The following SLC38A8 variants were observed in gnomAD, a reference collection of about 807,000 sequenced individuals.
SLC38A8 encodes amino acid transporter SLC38A8.
SLC38A8 carries 65 observed loss-of-function variants against 46.0 expected under a neutral mutation model. The observed-to-expected ratio is 1.41, with a 90% CI of 1.16 to 1.74. The LOEUF (loss-of-function observed/expected upper bound fraction) is 1.74. SLC38A8 is among the 40% of genes most tolerant of loss of function. The pLI, the probability that SLC38A8 is intolerant of heterozygous loss-of-function variation, is 0.00. For synonymous variants in SLC38A8, 447 were observed against 243.7 expected, an observed-to-expected ratio of 1.83 and a Z score of -7.77; for missense variants, 998 against 567.9, an observed-to-expected ratio of 1.76 and a Z score of -7.70.
intron 6 of SLC38A8, among the ~76,000 whole-genome samples, chr16:84,028,709 T>TC (rs1364369781): frequency 7.7e-6 from 1 of 130,134 alleles, no homozygotes; most frequent in East Asian, 2.7e-4. Context: ...CCCGCCACCT[T>TC]CCCCCCAGCG....
intron 6 of SLC38A8, among the ~76,000 whole-genome samples, chr16:84,024,891 G>C (rs1184385889): frequency 2.6e-5 from 4 of 152,220 alleles, no homozygotes; most frequent in Middle Eastern, 3.4e-3. Context: ...ATGTTGTCCA[G>C]GCTGGTCTCA....
chr16:84,029,311 A>C (rs1225203958), intron 6 of SLC38A8, among the ~76,000 whole-genome samples, 183 bp downstream of exon 6: 1 of 152,140 alleles, frequency 6.6e-6, no homozygotes, highest in East Asian at 1.9e-4. Flanking sequence ...CCAGACACCA[A>C]CCCATCCTCA....
intron 9 of SLC38A8, among the ~76,000 whole-genome samples, chr16:84,015,621 T>C (rs1002810329): frequency 2.6e-5 from 4 of 152,072 alleles, no homozygotes; most frequent in African/African-American, 9.7e-5. Flanking sequence ...AATGGGATCA[T>C]AAACGTTCCT....
At chr16:84,013,580 G>A (rs772054546) in intron 9 of SLC38A8, among the ~76,000 whole-genome samples, 5 of 151,610 alleles carry the variant, frequency 3.3e-5, no homozygotes, top group Non-Finnish European at 5.9e-5. Flanking sequence ...ACAGGTGCGT[G>A]CCACCACACC....
intron 7 of SLC38A8, among the ~76,000 whole-genome samples, chr16:84,019,740 C>A (rs894881655): frequency 6.6e-6 from 1 of 152,244 alleles, no homozygotes; most frequent in East Asian, 1.9e-4. Flanking sequence ...CAAAAGCAAT[C>A]TACTTCCAGG....
chr16:84,009,682 T>C lies in SLC38A8; in HGVS notation c.*102A>G. 9.9e-7 allele frequency: 1 copy of C among 1,010,356 alleles called. No individual in the cohort carries two copies. Among genetic ancestry groups the C allele is most frequent in the Non-Finnish European group, 1.4e-6 (1 of 692,376 alleles). The allele number at this position is 1,010,356 out of a possible 1,614,324, so 62.6% of individuals were successfully genotyped here. ...GCAGAAGGCATCAGTCTCTCCAGCA[T>C]CTTTATGAGGAAAAGAAATGGCATC... On this transcript the variant is annotated 3_prime_UTR_variant, in exon 11 of 11. Coordinates refer to ENST00000299709, the MANE Select transcript of SLC38A8 (RefSeq NM_001080442.3).
intron 7 of SLC38A8, among the ~76,000 whole-genome samples, chr16:84,021,331 C>G (rs887204564): frequency 2.0e-5 from 3 of 152,196 alleles, no homozygotes; most frequent in African/African-American, 7.2e-5. Flanking sequence ...TCCCAAAGTG[C>G]TGCGATGACA....
chr16:84,022,268 T>A (rs2085104199), intron 7 of SLC38A8, among the ~76,000 whole-genome samples: 2 of 152,226 alleles, frequency 1.3e-5, no homozygotes, highest in Non-Finnish European at 1.5e-5. Flanking sequence ...GCCAGGGACC[T>A]GGGACTGTCC....
Position 84,033,354 on chromosome 16 carries a change from C to T in SLC38A8, c.504G>A (p.Arg168=), listed in dbSNP as rs1567701558. 1 of 1,613,980 alleles carries T rather than the reference C, an allele frequency of 6.2e-7. No homozygotes were observed. Among genetic ancestry groups the T allele is most frequent in the Non-Finnish European group, 8.5e-7 (1 of 1,180,026 alleles). ...TTGTGTATTTCTGGAAGGCGATCTC[C>T]CGCGGGGCAGACAGGGGCAGGATGA... ...VLVILPLSAP[R]EIAFQKYTSI... Residue 168 remains arginine (R), a synonymous_variant, in exon 4 of 11, where the codon CGG becomes CGA. Transcript: ENST00000299709.
In SLC38A8 at chr16:84,033,476, G is replaced by C. The variant is rs751719128; in HGVS notation, c.389-7C>G. 1.3e-6 allele frequency: 2 copies of C among 1,590,030 alleles called. No homozygotes were observed. The highest frequency in any genetic ancestry group is 3.5e-5 in the Admixed American group (2 of 57,678). On this transcript the variant is annotated splice_region_variant and splice_polypyrimidine_tract_variant and intron_variant, in intron 3 of 10. Coordinates refer to ENST00000299709, the MANE Select transcript of SLC38A8 (RefSeq NM_001080442.3). ...GACAGGAGGGAGTCACACACTGCCAGAGACACGGGGAGAGCTGAGCCACAG... is the reference window on the plus strand; with the variant it reads ...GACAGGAGGGAGTCACACACTGCCACAGACACGGGGAGAGCTGAGCCACAG...
intron 2 of SLC38A8, among the ~76,000 whole-genome samples, chr16:84,039,037 G>C (rs1387180172): frequency 1.3e-5 from 2 of 152,158 alleles, no homozygotes; most frequent in Admixed American, 1.3e-4. Context: ...CTTGAGGTGA[G>C]GTCATCTTGG....
chr16:84,031,806 C>T (rs1422787788), intron 5 of SLC38A8, 61 bp downstream of exon 5: 1 of 1,433,354 alleles, frequency 7.0e-7, no homozygotes, highest in African/African-American at 1.4e-5. Flanking sequence ...AGACTCCCCT[C>T]ACAGACTCCC....
intron 6 of SLC38A8, among the ~76,000 whole-genome samples, chr16:84,023,111 C>G (rs1597259983): frequency 1.3e-5 from 2 of 152,050 alleles, no homozygotes; most frequent in African/African-American, 2.4e-5. Flanking sequence ...CGCCACAGTA[C>G]CAGGCATTAT....
rs368021455 is a variant in SLC38A8, at chr16:84,013,077, C to A, written c.1163-25G>T. ...CCTGCAAAAAAGACAGGGTCACCCACAGTTCTTCGTTATCAAACCCAAAGC... is the reference window on the plus strand; with the variant it reads ...CCTGCAAAAAAGACAGGGTCACCCAAAGTTCTTCGTTATCAAACCCAAAGC... On this transcript the variant is annotated intron_variant, in intron 9 of 10. Transcript: ENST00000299709. 5 of 1,613,674 alleles carry A rather than the reference C, an allele frequency of 3.1e-6. No homozygotes were observed. The African/African-American group carries it at 6.7e-5, about 22-fold the overall frequency.
At chr16:84,025,367 T>G (rs534063712) in intron 6 of SLC38A8, among the ~76,000 whole-genome samples, 122 of 152,176 alleles carry the variant, frequency 8.0e-4, no homozygotes, top group Non-Finnish European at 1.2e-3. Context: ...CTGGTCCCTC[T>G]GGCCGGATTT....
At chr16:84,020,512 G>T (rs377079669) in intron 7 of SLC38A8, among the ~76,000 whole-genome samples, 1 of 152,198 alleles carries the variant, frequency 6.6e-6, no homozygotes, top group East Asian at 1.9e-4. Context: ...CTATCTGCCA[G>T]CCTGCAGAAT....
intron 6 of SLC38A8, among the ~76,000 whole-genome samples, chr16:84,024,722 C>G (rs2085141231): frequency 6.6e-6 from 1 of 152,118 alleles, no homozygotes; most frequent in Admixed American, 6.5e-5. Flanking sequence ...CAGAGTCTCG[C>G]TCTGTCACCC....
At position 84,018,200 on chromosome 16, in the gene SLC38A8, G is replaced by T. The variant is rs79526165; in HGVS notation, c.806-913C>A. Among the ~76,000 whole-genome samples the T allele has an allele frequency of 3.0e-3, 443 of 147,254 alleles. 1 individual carries two copies. The highest frequency in any genetic ancestry group is 0.011 in the African/African-American group (421 of 39,938). ...GCATAGGGCATTGTATAGCAAGGAT[G>T]AGCTCTGACTCAGCCCTCATTCCTT... is the stretch of plus-strand genomic sequence containing the variant. On this transcript the variant is annotated intron_variant, in intron 7 of 10. Transcript: ENST00000299709.
At chr16:84,037,249 A>C (rs960899372) in intron 2 of SLC38A8, among the ~76,000 whole-genome samples, 4 of 152,232 alleles carry the variant, frequency 2.6e-5, no homozygotes, top group Non-Finnish European at 5.9e-5. Context: ...GTGGAGAGGC[A>C]GTAGGCGTGG....
Sources: allele counts gnomAD v4.1 joint callset (sites outside exome capture counted in the v4.1 genomes callset), GRCh38; gene constraint gnomAD v4.1.1; transcripts MANE v1.5; gene names NCBI Gene and HGNC (gene_info 2026-07-23, HGNC 2026-07-21).